GANAB: variants seen among roughly 807,000 people sequenced by gnomAD.
GANAB encodes neutral alpha-glucosidase AB.
In GANAB, 35 loss-of-function variants were observed where a neutral mutation model predicts 129.9. The observed-to-expected ratio is 0.27, with a 90% CI of 0.21 to 0.36. The LOEUF (loss-of-function observed/expected upper bound fraction) is 0.36, where lower values mean the gene tolerates loss of function less well. Among genes scored for constraint, GANAB ranks in the 10% least tolerant of loss-of-function variants. GANAB has a pLI of 1.00. For missense variants in GANAB, 939 were observed against 1,221.0 expected (o/e 0.77, Z 3.44); for synonymous variants, 482 against 451.8 (o/e 1.07, Z -0.85).
chr11:62,641,076 T>C (rs1278942861), intron 1 of GANAB, among the ~76,000 whole-genome samples: 5 of 151,798 alleles, frequency 3.3e-5, no homozygotes, highest in African/African-American at 1.2e-4. Flanking sequence ...CAGTGGCTCA[T>C]GTCACGTCTG....
At chr11:62,630,945 C>T (rs971666715) in intron 10 of GANAB, 85 bp downstream of exon 10, 1 of 1,514,838 alleles carries the variant, frequency 6.6e-7, no homozygotes, top group African/African-American at 1.4e-5. Context: ...ACCTAGAAAA[C>T]AAGCTGGGGC....
At chr11:62,641,526 G>A (rs182415939) in intron 1 of GANAB, among the ~76,000 whole-genome samples, 2 of 151,928 alleles carry the variant, frequency 1.3e-5, no homozygotes, top group Admixed American at 1.3e-4. Flanking sequence ...GAGCCCTAAT[G>A]CACCCCTAGG....
chr11:62,645,361 C>A (rs1475149278), intron 1 of GANAB, among the ~76,000 whole-genome samples: 3 of 152,066 alleles, frequency 2.0e-5, no homozygotes, highest in African/African-American at 4.8e-5. Flanking sequence ...ATAGTGAAAC[C>A]CCGTCTCTAC....
chr11:62,633,007 A>G lies in GANAB; in HGVS notation c.813T>C (p.Thr271=), dbSNP rs370824720. The stretch of plus-strand genomic sequence containing the variant: ...CCTGATGTCACCATAGGACTCACTC[A>G]GTGACCTTCAGCCTCAGGTTGTCTG... ...EHADNLRLKV[T]EGGEPYRLYN... is the part of the protein sequence containing the mutation. Residue 271 remains threonine, a splice_region_variant and synonymous_variant, in exon 8 of 24, where the codon ACT becomes ACC. Transcript: ENST00000356638. 3.8e-6 allele frequency: 6 copies of G among 1,569,276 alleles called. 1 individual carries two copies. Among genetic ancestry groups the G allele is most frequent in the Middle Eastern group, 3.4e-4 (2 of 5,872 alleles).
At chr11:62,636,016 A>G (rs1483494403) in intron 4 of GANAB, among the ~76,000 whole-genome samples, 1 of 152,048 alleles carries the variant, frequency 6.6e-6, no homozygotes, top group African/African-American at 2.4e-5. Context: ...TTCTTAAGAT[A>G]GTCTCACTCT....
intron 1 of GANAB, among the ~76,000 whole-genome samples, chr11:62,641,341 GAAAAAAAAAA>G: frequency 9.1e-6 from 1 of 109,956 alleles, no homozygotes; most frequent in Non-Finnish European, 1.8e-5. Flanking sequence ...AAAACTCTCA[GAAAAAAAAAA>G]AAAAAAAAGA....
intron 3 of GANAB, 96 bp from the exon 4 acceptor site, chr11:62,639,206 A>G: frequency 6.9e-7 from 1 of 1,442,740 alleles, no homozygotes; most frequent in Non-Finnish European, 9.7e-7. Flanking sequence ...TCTTCCTTTG[A>G]GCCCTTTGCC....
At position 62,628,999 on chromosome 11, in the gene GANAB, G is replaced by T. The variant is rs778913348; in HGVS notation, c.1950C>A (p.Gly650=). 1 of 1,612,984 alleles carries T rather than the reference G, an allele frequency of 6.2e-7. No homozygotes were observed. Among genetic ancestry groups the T allele is most frequent in the Non-Finnish European group, 8.5e-7 (1 of 1,179,026 alleles). The change falls in exon 17 of 24, where the codon GGC becomes GGA. Residue 650 remains glycine (G), a synonymous_variant. Transcript: ENST00000356638. ...GCTCTGGCTCTGGGTTTTTGAAGAA[G>T]CCACCCACATCCGCTGGTAGAGGAG... is the stretch of plus-strand genomic sequence containing the variant. ...GLSFCGADVG[G]FFKNPEPELL...
intron 1 of GANAB, among the ~76,000 whole-genome samples, chr11:62,645,345 A>C (rs879668230): frequency 6.6e-6 from 1 of 152,092 alleles, no homozygotes; most frequent in Non-Finnish European, 1.5e-5. Context: ...GATCATCCTC[A>C]CCAACATAGT....
intron 1 of GANAB, among the ~76,000 whole-genome samples, chr11:62,642,386 G>A (rs992424069): frequency 6.6e-6 from 1 of 151,610 alleles, no homozygotes; most frequent in Non-Finnish European, 1.5e-5. Flanking sequence ...CAGTGACCTG[G>A]TCTCACTTCT....
At chr11:62,637,727 T>A (rs1944006456) in intron 4 of GANAB, among the ~76,000 whole-genome samples, 1 of 151,896 alleles carries the variant, frequency 6.6e-6, no homozygotes, top group South Asian at 2.1e-4. Context: ...TGGAATTAAA[T>A]AAAGTTATGT....
chr11:62,635,547 C>T (rs1380486116), intron 4 of GANAB, among the ~76,000 whole-genome samples: 1 of 150,548 alleles, frequency 6.6e-6, no homozygotes, highest in Non-Finnish European at 1.5e-5. Flanking sequence ...GAAAGGAGAA[C>T]TATTCAAAAA....
intron 4 of GANAB, among the ~76,000 whole-genome samples, 166 bp from the exon 5 acceptor site, chr11:62,635,166 C>G (rs1943888700): frequency 6.6e-6 from 1 of 152,008 alleles, no homozygotes; most frequent in Non-Finnish European, 1.5e-5. Context: ...AGAAACAGAC[C>G]CAAGCATATT....
intron 1 of GANAB, among the ~76,000 whole-genome samples, chr11:62,643,328 TC>T (rs1376872310): frequency 1.3e-5 from 2 of 151,254 alleles, no homozygotes; most frequent in Non-Finnish European, 2.9e-5. Flanking sequence ...ATGGCGAAAC[TC>T]CATCTCTACT....
intron 17 of GANAB, among the ~76,000 whole-genome samples, chr11:62,628,562 T>C (rs1347103728): frequency 6.6e-6 from 1 of 152,180 alleles, no homozygotes; most frequent in Non-Finnish European, 1.5e-5. Flanking sequence ...GTTTTATTTT[T>C]CTGAAAGAGC....
intron 1 of GANAB, 55 bp from the exon 2 acceptor site, chr11:62,639,786 C>G (rs986233959): frequency 1.7e-4 from 182 of 1,102,300 alleles, no homozygotes; most frequent in Middle Eastern, 1.2e-3. Flanking sequence ...GAAGGGGCCC[C>G]CTTCAAAAGG....
At chr11:62,636,442 A>T (rs1473496787) in intron 4 of GANAB, among the ~76,000 whole-genome samples, 1 of 151,786 alleles carries the variant, frequency 6.6e-6, no homozygotes, top group Non-Finnish European at 1.5e-5. Flanking sequence ...CTCTACCAAA[A>T]ATACAAAAAT....
At chr11:62,645,245 A>G (rs1278735419) in intron 1 of GANAB, among the ~76,000 whole-genome samples, 1 of 152,156 alleles carries the variant, frequency 6.6e-6, no homozygotes, top group African/African-American at 2.4e-5. Flanking sequence ...ATAGAAGTAC[A>G]GTGAGTTGAG....
At chr11:62,634,764 C>A in intron 5 of GANAB, 57 bp downstream of exon 5, 1 of 1,428,316 alleles carries the variant, frequency 7.0e-7, no homozygotes, top group Non-Finnish European at 9.8e-7. Context: ...CCAGACCTCA[C>A]AACACCCCTA....
Sources: allele counts gnomAD v4.1 joint callset (sites outside exome capture counted in the v4.1 genomes callset), GRCh38; gene constraint gnomAD v4.1.1; transcripts MANE v1.5; gene names NCBI Gene and HGNC (gene_info 2026-07-23, HGNC 2026-07-21).